Variants in STRA8 observed in about 807,000 individuals in gnomAD.
STRA8 encodes stimulated by retinoic acid 8, also known as stimulated by retinoic acid gene 8 protein homolog.
Under a neutral mutation model 37.1 loss-of-function variants are expected in STRA8, and 18 were observed. The ratio of observed to expected loss-of-function variants is 0.48; its 90% CI spans 0.34 to 0.72. The LOEUF (loss-of-function observed/expected upper bound fraction) is 0.72, where lower values mean the gene tolerates loss of function less well. STRA8 is among the 30% of genes least tolerant of loss of function. The pLI is 0.01. For missense variants in STRA8, 357 were observed against 410.4 expected, an observed-to-expected ratio of 0.87 and a Z score of 1.13; for synonymous variants, 168 against 162.9, an observed-to-expected ratio of 1.03 and a Z score of -0.24.
chr7:135,255,243 GC>G lies in STRA8; in HGVS notation c.1065+20del, dbSNP rs1562974614. The G allele has an allele frequency of 1.3e-6, 2 of 1,578,262 alleles. No homozygotes were observed. Among genetic ancestry groups the G allele is most frequent in the East Asian group, 2.2e-5 (1 of 44,692 alleles). The stretch of plus-strand genomic sequence containing the variant: ...TAAAGCAGGTAGGATGGAGTAGAGG[GC>G]CGTGGTACCTCTGCCCACCTTGCTT... On this transcript the variant is annotated intron_variant, in intron 8 of 8. Coordinates refer to ENST00000662584, the MANE Select transcript of STRA8 (RefSeq NM_001394401.1).
intron 6 of STRA8, among the ~76,000 whole-genome samples, chr7:135,248,439 C>T (rs935429158): frequency 1.3e-5 from 2 of 152,106 alleles, no homozygotes; most frequent in African/African-American, 4.8e-5. Flanking sequence ...CGCAGTGGCT[C>T]ACACCTGTAA....
At chr7:135,247,792 A>G (rs1442964222) in intron 6 of STRA8, among the ~76,000 whole-genome samples, 1 of 152,254 alleles carries the variant, frequency 6.6e-6, no homozygotes, top group African/African-American at 2.4e-5. Context: ...TAGTCTGCAA[A>G]GCAGAGCATC....
chr7:135,246,540 GGA>G lies in STRA8; in HGVS notation c.721_722del (p.Arg241GlufsTer56). The G allele has an allele frequency of 6.4e-7, 1 of 1,573,006 alleles. No homozygotes were observed. The part of the protein sequence containing the change: ...ISHLWQNLSE[E>X]RKASLRQAWA... ...CCCACCTGTGGCAGAACCTCTCGGA[GGA>G]GAGGAAGGCCAGCCTCCGGCAGGCC... On this transcript the variant is annotated frameshift_variant, in exon 6 of 9. Transcript: ENST00000662584. LOFTEE classifies it high-confidence loss of function. The surrounding 1 kb of genome is among the most constrained non-coding windows in gnomAD (Gnocchi z 5.4).
Position 135,258,578 on chromosome 7 carries a change from T to G in STRA8, c.*86T>G, listed in dbSNP as rs1832736187. The G allele has an allele frequency of 1.8e-6, 2 of 1,126,876 alleles. No homozygotes were observed. The highest frequency in any genetic ancestry group is 3.1e-5 in the African/African-American group (2 of 64,328). The allele number at this position is 1,126,876 out of a possible 1,614,324, so 69.8% of individuals were successfully genotyped here. A position where few individuals can be genotyped will look rare whatever the true frequency, so the allele number is the denominator to read the frequency against. Reference sequence around the variant, plus strand: ...GCTGGCAGCTAAGGTTGCACCTGCCTTGGCCTCCAGGACTCTTTGGAGTGG... The same window carrying G: ...GCTGGCAGCTAAGGTTGCACCTGCCGTGGCCTCCAGGACTCTTTGGAGTGG... On this transcript the variant is annotated 3_prime_UTR_variant, in exon 9 of 9. Transcript: ENST00000662584.
chr7:135,240,802 G>T, intron 2 of STRA8, 86 bp downstream of exon 2: 2 of 1,478,748 alleles, frequency 1.4e-6, no homozygotes, highest in Non-Finnish European at 1.8e-6. Flanking sequence ...GCAAGGCAGG[G>T]ACTGGCCTGG....
intron 1 of STRA8, among the ~76,000 whole-genome samples, chr7:135,235,028 C>T (rs563486612): frequency 4.6e-5 from 7 of 152,160 alleles, no homozygotes; most frequent in South Asian, 2.1e-4. Context: ...AGGCACATGA[C>T]GCCCAGATAA....
At chr7:135,236,967 G>A (rs1015281845) in intron 1 of STRA8, among the ~76,000 whole-genome samples, 4 of 152,182 alleles carry the variant, frequency 2.6e-5, no homozygotes, top group African/African-American at 7.2e-5. Flanking sequence ...CACAGGTGCC[G>A]ATCAAAGATT....
chr7:135,246,462 C>G lies in STRA8; in HGVS notation c.639C>G (p.Ser213Arg), dbSNP rs1364216344. ...AGACGATGGACCTTCTGACTGGCAG[C>G]GGGATCATTACCCCGCAGGAGGCGG... is the stretch of plus-strand genomic sequence containing the variant. ...YKQTMDLLTG[S>R]GIITPQEAAL... is the part of the protein sequence containing the mutation. Residue 213 changes from serine to arginine, a missense_variant, in exon 6 of 9, where the codon AGC becomes AGG. Transcript: ENST00000662584. This position sits in a 1 kb window ranked among gnomAD's most constrained non-coding sequence, Gnocchi z 5.4. 2.5e-6 allele frequency: 4 copies of G among 1,599,140 alleles called. No individual in the cohort carries two copies. Among genetic ancestry groups the G allele is most frequent in the Non-Finnish European group, 3.4e-6 (4 of 1,172,394 alleles).
upstream of STRA8, among the ~76,000 whole-genome samples, chr7:135,232,955 C>G (rs1585462564): frequency 1.3e-5 from 2 of 152,334 alleles, no homozygotes; most frequent in East Asian, 1.9e-4. Flanking sequence ...CTTCTTGCAC[C>G]GTGCACTGGC....
chr7:135,237,774 C>G (rs907037485), intron 1 of STRA8, among the ~76,000 whole-genome samples: 1 of 152,012 alleles, frequency 6.6e-6, no homozygotes, highest in Non-Finnish European at 1.5e-5. Context: ...CGCCTGTAAT[C>G]CCAGCTACTC....
chr7:135,252,825 G>A (rs967525064), intron 7 of STRA8, among the ~76,000 whole-genome samples: 2 of 152,146 alleles, frequency 1.3e-5, no homozygotes, highest in Non-Finnish European at 2.9e-5. Context: ...GGGAGTCTAC[G>A]ACCAAGGTGC....
intron 7 of STRA8, among the ~76,000 whole-genome samples, chr7:135,254,041 G>A (rs1832672822): frequency 6.6e-6 from 1 of 152,160 alleles, no homozygotes; most frequent in Non-Finnish European, 1.5e-5. Flanking sequence ...ATGGACTTGG[G>A]GAGAAGTGGG....
At chr7:135,232,945 C>T (rs570164597), upstream of STRA8, among the ~76,000 whole-genome samples, 1 of 152,350 alleles carries the variant, frequency 6.6e-6, no homozygotes, top group East Asian at 1.9e-4. Flanking sequence ...CGGAGCCATG[C>T]TTCTTGCACC....
At chr7:135,257,684 C>T (rs191335126) in intron 8 of STRA8, among the ~76,000 whole-genome samples, 1 of 152,280 alleles carries the variant, frequency 6.6e-6, no homozygotes, top group African/African-American at 2.4e-5. Context: ...GCCTTGGCCT[C>T]CCAAAGTGCT....
In STRA8 at chr7:135,238,476, C is replaced by A. The variant is rs973851800; in HGVS notation, c.-6-2043C>A. ...GTGTTTGGGCAGAAGGGAGGACACCCAGCACTGGCATTGGGAGAACTCCAG... is the reference window on the plus strand; with the variant it reads ...GTGTTTGGGCAGAAGGGAGGACACCAAGCACTGGCATTGGGAGAACTCCAG... On this transcript the variant is annotated intron_variant, in intron 1 of 8. Coordinates refer to ENST00000662584, the MANE Select transcript of STRA8 (RefSeq NM_001394401.1). 3.9e-5 allele frequency among the ~76,000 whole-genome samples: 6 copies of A among 152,332 alleles called. No individual in the cohort carries two copies. In the South Asian group the frequency reaches 1.2e-3, roughly 32 times the overall value.
In STRA8 at chr7:135,240,669, A is replaced by G. The variant is rs749153982; in HGVS notation, c.145A>G (p.Asn49Asp). The change falls in exon 2 of 9, where the codon AAC (asparagine) becomes GAC (aspartate). Residue 49 changes from asparagine (N) to aspartate (D), a missense_variant. Transcript: ENST00000662584. ...AGCCACCCTGGCAGCGCTCTTCAAC[A>G]ACCTCAGGAAGACAGTGTACTCTCA... ...HRATLAALFN[N>D]LRKTVYSQSD... The G allele has an allele frequency of 2.2e-5, 36 of 1,613,920 alleles. No individual in the cohort carries two copies. In the South Asian group the frequency reaches 3.4e-4, roughly 15 times the overall value.
intron 8 of STRA8, among the ~76,000 whole-genome samples, chr7:135,256,543 AC>A (rs1832705917): frequency 6.6e-6 from 1 of 152,018 alleles, no homozygotes; most frequent in South Asian, 2.1e-4. Context: ...AGTGGCTCAC[AC>A]CTGGAATCCC....
chr7:135,245,536 A>C lies in STRA8; in HGVS notation c.593+9A>C, dbSNP rs1306717560. ...CTCATGGAATTTGAACGGTGTGAAC[A>C]GTTGGGTGGGGTGGCTCTGTGCACC... On this transcript the variant is annotated intron_variant, in intron 5 of 8. Coordinates refer to ENST00000662584, the MANE Select transcript of STRA8 (RefSeq NM_001394401.1). Among the ~76,000 whole-genome samples, 1 of 152,146 alleles carries C rather than the reference A, an allele frequency of 6.6e-6. No homozygotes were observed. The highest frequency in any genetic ancestry group is 1.5e-5 in the Non-Finnish European group (1 of 68,020).
chr7:135,245,470 A>C lies in STRA8; in HGVS notation c.536A>C (p.Lys179Thr). 2 of 704,718 alleles carry C rather than the reference A, an allele frequency of 2.8e-6. No homozygotes were observed. The highest frequency in any genetic ancestry group is 2.4e-4 in the Middle Eastern group (1 of 4,174). 43.7% of individuals were successfully genotyped at this position (704,718 alleles called of 1,614,324 possible). Residue 179 changes from lysine (K) to threonine (T), a missense_variant, in exon 5 of 9, where the codon AAA becomes ACA. By Grantham distance (78) the Lys-to-Thr change is moderately conservative. Coordinates refer to ENST00000662584, the MANE Select transcript of STRA8 (RefSeq NM_001394401.1). ...GAAGAGGAGGAGGAGGAAGAGGAGAAAAAAGTGATCTTATACTCCCCAGGA... is the reference window on the plus strand; with the variant it reads ...GAAGAGGAGGAGGAGGAAGAGGAGACAAAAGTGATCTTATACTCCCCAGGA... ...EEEEEEEEEE[K>T]KVILYSPGTL...
Sources: allele counts gnomAD v4.1 joint callset (sites outside exome capture counted in the v4.1 genomes callset), GRCh38; gene constraint gnomAD v4.1.1; non-coding constraint Gnocchi (gnomAD v3.1); transcripts MANE v1.5; gene names NCBI Gene and HGNC (gene_info 2026-07-23, HGNC 2026-07-21).